Variants in DPP10 observed in about 807,000 individuals in gnomAD.
The protein encoded by DPP10 is inactive dipeptidyl peptidase 10.
In DPP10, 33 loss-of-function variants were observed where a neutral mutation model predicts 120.9. That is an observed-to-expected ratio of 0.27 (90% CI 0.21 to 0.37). The LOEUF is 0.37. Ranked by LOEUF, DPP10 falls within the 10% of genes least tolerant of loss-of-function variation. The pLI, the probability that DPP10 is intolerant of heterozygous loss-of-function variation, is 1.00. For missense variants in DPP10, 816 were observed against 942.8 expected (o/e 0.87, Z 1.76); for synonymous variants, 337 against 326.1 (o/e 1.03, Z -0.36).
At chr2:115,443,212 G>C (rs944097715) in intron 3 of DPP10, among the ~76,000 whole-genome samples, 1 of 152,092 alleles carries the variant, frequency 6.6e-6, no homozygotes, top group Non-Finnish European at 1.5e-5. Context: ...AGCTTACCAC[G>C]ATTTGAGCAC....
chr2:114,681,774 T>G (rs1699043383), intron 1 of DPP10, among the ~76,000 whole-genome samples: 1 of 151,724 alleles, frequency 6.6e-6, no homozygotes. Context: ...CAGCCTATTT[T>G]TATTTCTTTG....
intron 1 of DPP10, among the ~76,000 whole-genome samples, chr2:114,638,406 C>T (rs1280103767): frequency 6.6e-6 from 1 of 151,650 alleles, no homozygotes; most frequent in Non-Finnish European, 1.5e-5. Context: ...GACTAAAATC[C>T]AGAATCTATA....
chr2:115,616,155 G>A (rs1436580808), intron 5 of DPP10, among the ~76,000 whole-genome samples: 3 of 152,186 alleles, frequency 2.0e-5, no homozygotes, highest in South Asian at 2.1e-4. Context: ...TTTGAAGCTC[G>A]TATTCTGTAC....
At chr2:115,792,031 C>A (rs1206260949) in intron 19 of DPP10, among the ~76,000 whole-genome samples, 4 of 151,910 alleles carry the variant, frequency 2.6e-5, no homozygotes, top group Non-Finnish European at 4.4e-5. Context: ...TCTTTAGATA[C>A]AATAATTTCT....
chr2:115,200,552 A>C (rs1179391283), intron 1 of DPP10, among the ~76,000 whole-genome samples: 1 of 152,254 alleles, frequency 6.6e-6, no homozygotes, highest in Admixed American at 6.5e-5. Flanking sequence ...CGGAAGAATA[A>C]GACTTTATAA....
chr2:115,585,624 A>G (rs1256911912), intron 5 of DPP10, among the ~76,000 whole-genome samples: 1 of 152,156 alleles, frequency 6.6e-6, no homozygotes, highest in Non-Finnish European at 1.5e-5. Flanking sequence ...CCATACAGTC[A>G]AGTAGCTTGT....
chr2:115,539,349 G>A (rs567585944), intron 5 of DPP10, among the ~76,000 whole-genome samples: 2 of 152,052 alleles, frequency 1.3e-5, no homozygotes, highest in African/African-American at 4.8e-5. Flanking sequence ...ATGGTGCCAG[G>A]AAGGCAGATT....
At chr2:114,716,782 G>A (rs1371465458) in intron 1 of DPP10, among the ~76,000 whole-genome samples, 1 of 152,168 alleles carries the variant, frequency 6.6e-6, no homozygotes, top group Non-Finnish European at 1.5e-5. Flanking sequence ...AAAGTGGATA[G>A]TTTATAAAGT....
chr2:115,754,723 T>G (rs1036611320), intron 11 of DPP10, among the ~76,000 whole-genome samples: 1 of 152,110 alleles, frequency 6.6e-6, no homozygotes, highest in African/African-American at 2.4e-5. Context: ...GTGGAAAATA[T>G]AACCTACTCA....
chr2:115,758,658 G>T (rs556243988), intron 11 of DPP10, among the ~76,000 whole-genome samples: 1 of 152,006 alleles, frequency 6.6e-6, no homozygotes, highest in South Asian at 2.1e-4. Context: ...TCCTGTAAAA[G>T]AATAAAATTG....
intron 5 of DPP10, among the ~76,000 whole-genome samples, chr2:115,549,784 AC>A (rs1558834560): frequency 1.3e-5 from 2 of 152,140 alleles, no homozygotes; most frequent in African/African-American, 4.8e-5. Flanking sequence ...TTAAAGCTCT[AC>A]AATGATATGC....
At chr2:115,726,116 A>T (rs897620920) in intron 7 of DPP10, among the ~76,000 whole-genome samples, 1 of 152,180 alleles carries the variant, frequency 6.6e-6, no homozygotes, top group Non-Finnish European at 1.5e-5. Flanking sequence ...ATTTGTTAAT[A>T]GCTCTCTCCT....
chr2:114,674,075 A>T (rs1039044946), intron 1 of DPP10, among the ~76,000 whole-genome samples: 1 of 152,136 alleles, frequency 6.6e-6, no homozygotes, highest in African/African-American at 2.4e-5. Flanking sequence ...AAAGTTAGTT[A>T]TGAGATATAT....
intron 1 of DPP10, among the ~76,000 whole-genome samples, chr2:114,870,540 G>T (rs1690610996): frequency 1.2e-5 from 1 of 82,616 alleles, no homozygotes; most frequent in Admixed American, 1.4e-4. Flanking sequence ...AAAGTAGTCA[G>T]GTAGAAAGGG....
intron 3 of DPP10, among the ~76,000 whole-genome samples, chr2:115,345,912 G>C (rs1034757323): frequency 1.3e-5 from 2 of 152,068 alleles, no homozygotes; most frequent in African/African-American, 4.8e-5. Context: ...CTGGGACAAA[G>C]CTGCAGTGTT....
intron 1 of DPP10, among the ~76,000 whole-genome samples, chr2:115,298,993 G>A (rs1486826096): frequency 6.6e-6 from 1 of 151,946 alleles, no homozygotes; most frequent in Admixed American, 6.6e-5. Flanking sequence ...GAATCTCATG[G>A]GCAATTTTAA....
In DPP10 at chr2:114,442,854, T is replaced by C. The variant is rs1677733364; in HGVS notation, c.60+16T>C. 5 of 1,612,972 alleles carry C rather than the reference T, an allele frequency of 3.1e-6. No individual in the cohort carries two copies. The East Asian group carries it at 6.7e-5, about 22-fold the overall frequency. ...AACAATCAAGGTAGGATCTGGTTTT[T>C]CCCTCTGCTTCTGCACATGTGTCTT... On this transcript the variant is annotated intron_variant, in intron 1 of 25. Coordinates refer to ENST00000410059, the MANE Select transcript of DPP10 (RefSeq NM_020868.6).
chr2:114,772,843 G>A (rs1235618664), intron 1 of DPP10, among the ~76,000 whole-genome samples: 2 of 152,064 alleles, frequency 1.3e-5, no homozygotes, highest in Non-Finnish European at 2.9e-5. Flanking sequence ...CTGACTCAAT[G>A]AGCTTCCATT....
At chr2:115,593,437 T>G (rs999818076) in intron 5 of DPP10, among the ~76,000 whole-genome samples, 1 of 152,202 alleles carries the variant, frequency 6.6e-6, no homozygotes, top group African/African-American at 2.4e-5. Flanking sequence ...CAGGGAGGCA[T>G]GAAGGTTGTT....
Sources: allele counts gnomAD v4.1 joint callset (sites outside exome capture counted in the v4.1 genomes callset), GRCh38; gene constraint gnomAD v4.1.1; transcripts MANE v1.5; gene names NCBI Gene and HGNC (gene_info 2026-07-23, HGNC 2026-07-21).